Variants in PCDHA3 observed in about 807,000 individuals in gnomAD.
PCDHA3 encodes protocadherin alpha-3.
PCDHA3 carries 41 observed loss-of-function variants against 62.2 expected under a neutral mutation model. That is an observed-to-expected ratio of 0.66 (90% confidence interval 0.51 to 0.86). The LOEUF (loss-of-function observed/expected upper bound fraction) is 0.86. Among genes scored for constraint, PCDHA3 ranks in the 40% least tolerant of loss-of-function variants. PCDHA3 has a pLI of 0.00. For missense variants in PCDHA3, 1,304 were observed against 1,241.2 expected (o/e 1.05, Z -0.76); for synonymous variants, 640 against 555.4 (o/e 1.15, Z -2.14).
At chr5:141,006,828 G>A (rs1554260937) in intron 3 of PCDHA3, among the ~76,000 whole-genome samples, 1 of 152,162 alleles carries the variant, frequency 6.6e-6, no homozygotes, top group Non-Finnish European at 1.5e-5. Context: ...TAAATGGGGT[G>A]TAATTTACTG....
At chr5:140,918,226 T>C (rs528915665) in intron 1 of PCDHA3, among the ~76,000 whole-genome samples, 1 of 152,342 alleles carries the variant, frequency 6.6e-6, no homozygotes, top group African/African-American at 2.4e-5. Context: ...ATGCTGATTT[T>C]TGTACATTGA....
At chr5:140,966,927 C>A in intron 1 of PCDHA3, 1 of 1,603,516 alleles carries the variant, frequency 6.2e-7, no homozygotes, top group Non-Finnish European at 8.5e-7. Context: ...GAGCAGGCAC[C>A]CGGCGCGCTC....
intron 1 of PCDHA3, among the ~76,000 whole-genome samples, chr5:140,940,470 A>G (rs182796886): frequency 4.7e-5 from 7 of 149,652 alleles, no homozygotes; most frequent in African/African-American, 9.8e-5. Flanking sequence ...GTTCCCTGCA[A>G]TTTTTTTTTT....
At chr5:141,006,606 C>T (rs782461917) in intron 3 of PCDHA3, among the ~76,000 whole-genome samples, 3 of 152,112 alleles carry the variant, frequency 2.0e-5, no homozygotes, top group Non-Finnish European at 4.4e-5. Flanking sequence ...TGGAAGCAGA[C>T]TGAATAAGGA....
intron 1 of PCDHA3, chr5:140,841,237 C>A (rs1428420937): frequency 1.4e-5 from 21 of 1,479,664 alleles, no homozygotes; most frequent in Non-Finnish European, 1.9e-5. Context: ...GGAGATGCAG[C>A]GGAATTGGAT....
At chr5:140,936,987 T>C (rs996790487) in intron 1 of PCDHA3, among the ~76,000 whole-genome samples, 1 of 152,170 alleles carries the variant, frequency 6.6e-6, no homozygotes, top group Non-Finnish European at 1.5e-5. Context: ...CTTGTTAACA[T>C]TGACAATATT....
chr5:140,858,135 T>G lies in PCDHA3; in HGVS notation c.2394+54544T>G, dbSNP rs1215623176. 3 of 1,597,334 alleles carry G rather than the reference T, an allele frequency of 1.9e-6. No homozygotes were observed. The African/African-American group carries it at 4.0e-5, about 21-fold the overall frequency. ...GAGGTGGCCCTGGTGGATGTCAACG[T>G]GTACCTGATCATCGCCATCTGCGCG... is the stretch of plus-strand genomic sequence containing the variant. On this transcript the variant is annotated intron_variant, in intron 1 of 3. Transcript: ENST00000522353.
chr5:140,876,792 A>C, intron 1 of PCDHA3: 1 of 1,614,116 alleles, frequency 6.2e-7, no homozygotes, highest in East Asian at 2.2e-5. Flanking sequence ...CCACGGCTAG[A>C]GTGTCCGTGG....
chr5:141,000,387 C>CTA (rs2097910380), intron 3 of PCDHA3, among the ~76,000 whole-genome samples: 5 of 66,898 alleles, frequency 7.5e-5, no homozygotes, highest in Non-Finnish European at 1.1e-4. Context: ...CTCTCTCTCT[C>CTA]TCTCTCTCTA....
At chr5:140,863,021 T>A (rs1228071790) in intron 1 of PCDHA3, 1 of 554,192 alleles carries the variant, frequency 1.8e-6, no homozygotes, top group Non-Finnish European at 3.5e-6. Flanking sequence ...CGCCTGGTTG[T>A]CGCAACAGCT....
chr5:140,928,645 G>A (rs782494285), intron 1 of PCDHA3: 4 of 1,614,084 alleles, frequency 2.5e-6, no homozygotes, highest in Non-Finnish European at 2.5e-6. Context: ...AAAAGTGGTA[G>A]CAGAGGATGC....
In PCDHA3 at chr5:140,875,617, G is replaced by T; in HGVS notation, c.2394+72026G>T. On this transcript the variant is annotated intron_variant, in intron 1 of 3. Coordinates refer to ENST00000522353, the MANE Select transcript of PCDHA3 (RefSeq NM_018906.3). ...ACACGGCACCTTCGTGGGCCGCATC[G>T]CTCAGGACCTGGGGCTGGAGCTGGC... 1 of 1,613,780 alleles carries T rather than the reference G, an allele frequency of 6.2e-7. No homozygotes were observed. The highest frequency in any genetic ancestry group is 2.2e-5 in the East Asian group (1 of 44,888).
In PCDHA3 at chr5:140,852,257, T is replaced by C. The variant is rs1417638818; in HGVS notation, c.2394+48666T>C. 5.9e-6 allele frequency: 3 copies of C among 512,112 alleles called. No individual in the cohort carries two copies. The African/African-American group carries it at 6.3e-5, about 11-fold the overall frequency. 31.7% of individuals were successfully genotyped at this position (512,112 alleles called of 1,614,324 possible). A position where few individuals can be genotyped will look rare whatever the true frequency, so the allele number is the denominator to read the frequency against. On this transcript the variant is annotated intron_variant, in intron 1 of 3. Coordinates refer to ENST00000522353, the MANE Select transcript of PCDHA3 (RefSeq NM_018906.3). ...TCCCTTAAAACACACTTTTGGAATA[T>C]GCTACAATATTACATGTTTTTTGTC...
At position 140,924,901 on chromosome 5, in the gene PCDHA3, A is replaced by AAAAT. The variant is rs1554202314; in HGVS notation, c.2395-54045_2395-54044insTAAA. ...CAGAGCAAGAACCTGTCTCAAAAAA[A>AAAAT]AAAATAAAATAAAATAAAATAAAAT... On this transcript the variant is annotated intron_variant, in intron 1 of 3. Coordinates refer to ENST00000522353, the MANE Select transcript of PCDHA3 (RefSeq NM_018906.3). 7.3e-4 allele frequency among the ~76,000 whole-genome samples: 59 copies of AAAAT among 80,496 alleles called. 1 individual carries two copies. The highest frequency in any genetic ancestry group is 6.1e-3 in the Middle Eastern group (1 of 164). The allele number at this position is 80,496 out of a possible 152,430, so 52.8% of individuals were successfully genotyped here. A position where few individuals can be genotyped will look rare whatever the true frequency, so the allele number is the denominator to read the frequency against.
intron 1 of PCDHA3, among the ~76,000 whole-genome samples, chr5:140,806,506 T>G (rs781804257): frequency 1.3e-5 from 2 of 152,338 alleles, no homozygotes; most frequent in South Asian, 4.1e-4. Context: ...AAGGAAGACA[T>G]CTAATTAAAT....
At chr5:140,936,212 A>C (rs1294255399) in intron 1 of PCDHA3, among the ~76,000 whole-genome samples, 1 of 152,126 alleles carries the variant, frequency 6.6e-6, no homozygotes, top group African/African-American at 2.4e-5. Context: ...TTTTTTATTT[A>C]GTATTCTTTC....
chr5:140,949,012 A>G (rs1029892336), intron 1 of PCDHA3, among the ~76,000 whole-genome samples: 11 of 151,632 alleles, frequency 7.3e-5, no homozygotes, highest in African/African-American at 2.7e-4. Flanking sequence ...TTTATATGTG[A>G]TGTTTTTATT....
chr5:140,816,230 T>C (rs2126670263), intron 1 of PCDHA3: 2 of 152,348 alleles, frequency 1.3e-5, no homozygotes, highest in South Asian at 4.1e-4. Flanking sequence ...GTCTGGATAA[T>C]TTCAAATGAT....
intron 1 of PCDHA3, among the ~76,000 whole-genome samples, chr5:140,910,150 T>G (rs555048323): frequency 6.6e-6 from 1 of 152,354 alleles, no homozygotes; most frequent in South Asian, 2.1e-4. Flanking sequence ...GGAAATTGAT[T>G]GAGGGGAAAT....
Sources: gnomAD v4.1 joint callset for allele counts (sites outside exome capture counted in the v4.1 genomes callset) on GRCh38, gnomAD v4.1.1 for gene constraint, MANE v1.5 for transcripts, NCBI Gene and HGNC (gene_info 2026-07-23, HGNC 2026-07-21) for gene names.